NCKAP5: variants seen among roughly 807,000 people sequenced by gnomAD.
The protein encoded by NCKAP5 is NCK associated protein 5, also known as nck-associated protein 5.
In NCKAP5, 92 loss-of-function variants were observed where a neutral mutation model predicts 167.0. That is an observed-to-expected ratio of 0.55 (90% CI 0.47 to 0.66). The LOEUF is 0.66. Among genes scored for constraint, NCKAP5 ranks in the 30% least tolerant of loss-of-function variants. The pLI is 0.00. For synonymous variants in NCKAP5, 891 were observed against 877.4 expected, an observed-to-expected ratio of 1.02 and a Z score of -0.27; for missense variants, 2,378 against 2,315.0, an observed-to-expected ratio of 1.03 and a Z score of -0.56.
intron 8 of NCKAP5, among the ~76,000 whole-genome samples, chr2:132,938,330 T>C (rs997626615): frequency 6.6e-6 from 1 of 152,214 alleles, no homozygotes; most frequent in South Asian, 2.1e-4. Context: ...GAGTCCTGGT[T>C]TCCCAAAAAT....
At chr2:132,837,558 AT>A (rs113122061) in intron 11 of NCKAP5, among the ~76,000 whole-genome samples, 520 of 148,526 alleles carry the variant, frequency 3.5e-3, no homozygotes, top group Non-Finnish European at 5.6e-3. Flanking sequence ...GTATAGTACA[AT>A]TTTTTTTTTG....
intron 19 of NCKAP5, among the ~76,000 whole-genome samples, chr2:132,712,946 G>C (rs1205652381): frequency 6.6e-6 from 1 of 152,146 alleles, no homozygotes; most frequent in African/African-American, 2.4e-5. Context: ...CAGAAGACAA[G>C]TTAAGTGAAT....
chr2:133,116,350 T>TGGTGGCGGGCGC lies in NCKAP5; in HGVS notation c.341+13616_341+13627dup, dbSNP rs1478848814. On this transcript the variant is annotated intron_variant, in intron 6 of 19. Transcript: ENST00000409261. Reference sequence around the variant, plus strand: ...AAAATACAAAAAAATTAGCCGGGCGTGGTGGCGGGCGCCTGTAGTCCCAGC... The same window carrying TGGTGGCGGGCGC: ...AAAATACAAAAAAATTAGCCGGGCGTGGTGGCGGGCGCGGTGGCGGGCGCCTGTAGTCCCAGC... Among the ~76,000 whole-genome samples the TGGTGGCGGGCGC allele has an allele frequency of 1.6e-5, 2 of 122,282 alleles. 1 individual carries two copies. The highest frequency in any genetic ancestry group is 1.7e-4 in the Admixed American group (2 of 11,958). The allele number at this position is 122,282 out of a possible 152,430, so 80.2% of individuals were successfully genotyped here.
intron 3 of NCKAP5, among the ~76,000 whole-genome samples, chr2:133,388,072 T>C (rs1687125167): frequency 6.6e-6 from 1 of 152,246 alleles, no homozygotes; most frequent in African/African-American, 2.4e-5. Flanking sequence ...CCAGCTTTGT[T>C]CCATTGCTGG....
chr2:133,000,352 C>T (rs2077737180), intron 6 of NCKAP5, among the ~76,000 whole-genome samples: 1 of 152,148 alleles, frequency 6.6e-6, no homozygotes, highest in South Asian at 2.1e-4. Flanking sequence ...TGAAGCATCC[C>T]TCCCTTACCC....
intron 6 of NCKAP5, among the ~76,000 whole-genome samples, chr2:133,112,853 T>G (rs2149722835): frequency 6.6e-6 from 1 of 152,346 alleles, no homozygotes; most frequent in African/African-American, 2.4e-5. Context: ...TGGAGCAGAC[T>G]GTCTCATAGC....
At chr2:132,942,088 C>T (rs1251548469) in intron 8 of NCKAP5, among the ~76,000 whole-genome samples, 1 of 152,178 alleles carries the variant, frequency 6.6e-6, no homozygotes, top group African/African-American at 2.4e-5. Flanking sequence ...TCACATTTGA[C>T]AATCTGAATA....
chr2:132,912,382 G>T (rs1199015558), intron 8 of NCKAP5, among the ~76,000 whole-genome samples: 1 of 152,038 alleles, frequency 6.6e-6, no homozygotes, highest in East Asian at 1.9e-4. Context: ...AGTCAATCAG[G>T]GTTTTTCAGA....
chr2:133,622,424 G>A, the NCKAP5 span, among the ~76,000 whole-genome samples: 1 of 152,004 alleles, frequency 6.6e-6, no homozygotes, highest in Non-Finnish European at 1.5e-5. Context: ...ACTAGTAAAT[G>A]AATTCAGCAA....
At chr2:132,712,180 G>T (rs560404605) in intron 19 of NCKAP5, among the ~76,000 whole-genome samples, 25 of 152,068 alleles carry the variant, frequency 1.6e-4, no homozygotes, top group Non-Finnish European at 3.1e-4. Flanking sequence ...GGAAACACTG[G>T]CAGTCAGAGG....
At chr2:132,799,183 A>C (rs1684838334) in intron 11 of NCKAP5, among the ~76,000 whole-genome samples, 1 of 152,096 alleles carries the variant, frequency 6.6e-6, no homozygotes, top group Admixed American at 6.6e-5. Context: ...CTCACTTATA[A>C]GTGGAAGCTA....
At chr2:132,785,764 CA>C in intron 13 of NCKAP5, 46 bp from the exon 14 acceptor site, 1 of 1,391,742 alleles carries the variant, frequency 7.2e-7, no homozygotes. Flanking sequence ...CCATGTAGAT[CA>C]CAAAGATATA....
chr2:133,329,011 G>A (rs946197553), intron 3 of NCKAP5, among the ~76,000 whole-genome samples: 3 of 151,432 alleles, frequency 2.0e-5, no homozygotes, highest in Admixed American at 1.3e-4. Flanking sequence ...CAATAAAAAG[G>A]AATTCATTCT....
intron 3 of NCKAP5, among the ~76,000 whole-genome samples, chr2:133,442,748 A>C (rs528130935): frequency 6.6e-6 from 1 of 152,226 alleles, no homozygotes; most frequent in South Asian, 2.1e-4. Context: ...ATGAAGAAAA[A>C]CCATGTTTAA....
At chr2:132,919,459 G>A (rs1695139088) in intron 8 of NCKAP5, among the ~76,000 whole-genome samples, 1 of 152,152 alleles carries the variant, frequency 6.6e-6, no homozygotes. Flanking sequence ...AGAGAAGGGT[G>A]GGTGGGAGCC....
intron 3 of NCKAP5, among the ~76,000 whole-genome samples, chr2:133,344,862 T>C (rs1683853816): frequency 6.6e-6 from 1 of 152,020 alleles, no homozygotes; most frequent in Non-Finnish European, 1.5e-5. Flanking sequence ...TTAGAATTAT[T>C]GACAGACATG....
At chr2:133,170,055 A>T (rs1159055314) in intron 5 of NCKAP5, among the ~76,000 whole-genome samples, 1 of 152,186 alleles carries the variant, frequency 6.6e-6, no homozygotes, top group Non-Finnish European at 1.5e-5. Context: ...TTTAAAAAAT[A>T]ATTTTATTAT....
chr2:132,714,465 A>G lies in NCKAP5; in HGVS notation c.5713+11162T>C, dbSNP rs72987776. Among the ~76,000 whole-genome samples, 1,073 of 152,304 alleles carry G rather than the reference A, an allele frequency of 7.0e-3. 16 individuals carry two copies. Among genetic ancestry groups the G allele is most frequent in the African/African-American group, 0.025 (1,026 of 41,568 alleles). ...CCCATGAGAAAGAGGCAAGGTGGGC[A>G]TTATGTGGTTGATGCGACTAATGCT... On this transcript the variant is annotated intron_variant, in intron 19 of 19. Coordinates refer to ENST00000409261, the MANE Select transcript of NCKAP5 (RefSeq NM_207363.3).
At chr2:132,901,632 T>C (rs931670097) in intron 8 of NCKAP5, among the ~76,000 whole-genome samples, 1 of 152,226 alleles carries the variant, frequency 6.6e-6, no homozygotes, top group Non-Finnish European at 1.5e-5. Flanking sequence ...AATATATTTG[T>C]GTCAGTATGA....
Sources: gnomAD v4.1 joint callset for allele counts (sites outside exome capture counted in the v4.1 genomes callset) on GRCh38, gnomAD v4.1.1 for gene constraint, MANE v1.5 for transcripts, NCBI Gene and HGNC (gene_info 2026-07-23, HGNC 2026-07-21) for gene names.